The following ST18 variants were observed in gnomAD, a reference collection of about 807,000 sequenced individuals.
ST18 encodes ST18 C2H2C-type zinc finger transcription factor, also known as suppression of tumorigenicity 18 protein.
In ST18, 50 loss-of-function variants were observed where a neutral mutation model predicts 110.0. That is an observed-to-expected ratio of 0.45 (90% CI 0.36 to 0.58). The LOEUF is 0.58. Ranked by LOEUF, ST18 falls within the 20% of genes least tolerant of loss-of-function variation. The pLI, the probability that ST18 is intolerant of heterozygous loss-of-function variation, is 0.00. For missense variants in ST18, 1,306 were observed against 1,280.1 expected (o/e 1.02, Z -0.31); for synonymous variants, 461 against 452.4 (o/e 1.02, Z -0.24).
chr8:52,194,647 C>T (rs1156241967), intron 8 of ST18: 11 of 152,214 alleles, frequency 7.2e-5, no homozygotes, highest in Admixed American at 7.2e-4. Flanking sequence ...GATGATGGGA[C>T]TAACTTCCCT....
At chr8:52,339,229 A>G (rs1289036077) in intron 2 of ST18, among the ~76,000 whole-genome samples, 3 of 152,086 alleles carry the variant, frequency 2.0e-5, no homozygotes, top group African/African-American at 7.2e-5. Flanking sequence ...GAGCCCCAAG[A>G]GGCCATTCTC....
intron 8 of ST18, among the ~76,000 whole-genome samples, chr8:52,211,473 C>T (rs2082153988): frequency 6.6e-6 from 1 of 151,098 alleles, no homozygotes; most frequent in South Asian, 2.1e-4. Flanking sequence ...GTTGTGTGAT[C>T]TCAGCTCACT....
intron 2 of ST18, among the ~76,000 whole-genome samples, chr8:52,395,845 T>C (rs1203861671): frequency 6.6e-6 from 1 of 152,186 alleles, no homozygotes; most frequent in Non-Finnish European, 1.5e-5. Context: ...GGCCAAAACA[T>C]AATTTATCTA....
chr8:52,314,625 T>C (rs993941193), intron 2 of ST18, among the ~76,000 whole-genome samples: 6 of 152,194 alleles, frequency 3.9e-5, no homozygotes. Flanking sequence ...TGGTCCCTTT[T>C]CCAGGGTACT....
At chr8:52,248,772 A>T (rs1223674419) in intron 2 of ST18, among the ~76,000 whole-genome samples, 2 of 152,192 alleles carry the variant, frequency 1.3e-5, no homozygotes, top group Admixed American at 6.6e-5. Flanking sequence ...TAATGATTCT[A>T]TTTCCAGATT....
chr8:52,118,363 G>T lies in ST18; in HGVS notation c.2834C>A (p.Ala945Glu), dbSNP rs117471862. 6,335 of 1,607,706 alleles carry T rather than the reference G, an allele frequency of 3.9e-3. 26 individuals carry two copies. Among genetic ancestry groups the T allele is most frequent in the Non-Finnish European group, 4.5e-3 (5,269 of 1,177,200 alleles). ...ELNESNLKIE[A>E]DMMKLQTQIT... is the part of the protein sequence containing the mutation. The stretch of plus-strand genomic sequence containing the variant: ...CTGGGTCTGAAGTTTCATCATATCT[G>T]CTTCAATTTTAAGGTTGGATTCATT... The change falls in exon 24 of 26, where the codon GCA (alanine) becomes GAA (glutamate). Residue 945 changes from alanine to glutamate, a missense_variant. By Grantham distance (107) the Ala-to-Glu change is moderately radical. Transcript: ENST00000689386.
At chr8:52,174,298 TCA>T (rs2066090497) in intron 9 of ST18, among the ~76,000 whole-genome samples, 1 of 152,230 alleles carries the variant, frequency 6.6e-6, no homozygotes, top group Admixed American at 6.5e-5. Context: ...TTTCTCAATA[TCA>T]CAGTTGGCTA....
At chr8:52,120,243 C>T (rs74452010) in intron 23 of ST18, among the ~76,000 whole-genome samples, 2,500 of 152,282 alleles carry the variant, frequency 0.016, 78 homozygotes, top group African/African-American at 0.057. Flanking sequence ...ATTTGGAGTG[C>T]TATCAGCACT....
chr8:52,309,669 T>C (rs908960652), intron 2 of ST18, among the ~76,000 whole-genome samples: 1 of 151,830 alleles, frequency 6.6e-6, no homozygotes, highest in Admixed American at 6.6e-5. Flanking sequence ...AATAAAGTGA[T>C]GCAAAAATAT....
In ST18 at chr8:52,341,097, C is replaced by A. The variant is rs148037825; in HGVS notation, c.-465+68231G>T. ...CTGCAACCCCCCTAATCAAACTGCA[C>A]CCTGTAGTTCACATGAGAAAATGCA... On this transcript the variant is annotated intron_variant, in intron 2 of 25. Coordinates refer to ENST00000689386, the MANE Select transcript of ST18 (RefSeq NM_001352837.2). Among the ~76,000 whole-genome samples the A allele has an allele frequency of 9.2e-3, 1,398 of 152,276 alleles. 22 individuals are homozygous for A. Among genetic ancestry groups the A allele is most frequent in the African/African-American group, 0.032 (1,323 of 41,550 alleles).
At chr8:52,383,616 T>G (rs1219202490) in intron 2 of ST18, among the ~76,000 whole-genome samples, 1 of 151,520 alleles carries the variant, frequency 6.6e-6, no homozygotes, top group Non-Finnish European at 1.5e-5. Flanking sequence ...GCCTGGCTAA[T>G]TTTTGTATTT....
chr8:52,235,563 A>G (rs1340743230), intron 2 of ST18, among the ~76,000 whole-genome samples: 1 of 152,238 alleles, frequency 6.6e-6, no homozygotes, highest in African/African-American at 2.4e-5. Flanking sequence ...ACAATGGACC[A>G]AATATTTAGA....
chr8:52,235,934 T>C (rs1216273056), intron 2 of ST18, among the ~76,000 whole-genome samples: 2 of 151,866 alleles, frequency 1.3e-5, no homozygotes, highest in Admixed American at 1.3e-4. Context: ...AAGAAAATAC[T>C]AAACTAAACT....
rs2077479381 is a variant in ST18 at position 52,200,174 on chromosome 8, T to G, written c.86+11905A>C. On this transcript the variant is annotated intron_variant, in intron 8 of 25. Coordinates refer to ENST00000689386, the MANE Select transcript of ST18 (RefSeq NM_001352837.2). ...TTAAGAGATTCCTGCTCCACAAAAC[T>G]TATATTCTTATGAAAAAAAGACAGA... is the stretch of plus-strand genomic sequence containing the variant. Among the ~76,000 whole-genome samples the G allele has an allele frequency of 2.2e-5, 3 of 136,736 alleles. No individual in the cohort carries two copies. The South Asian group carries it at 6.3e-4, about 29-fold the overall frequency. 89.7% of individuals were successfully genotyped at this position (136,736 alleles called of 152,430 possible).
In ST18 at chr8:52,374,521, CATTTCATTTT is replaced by C. The variant is rs1831451483; in HGVS notation, c.-465+34797_-465+34806del. 2.6e-5 allele frequency among the ~76,000 whole-genome samples: 4 copies of C among 152,178 alleles called. No homozygotes were observed. In the South Asian group the frequency reaches 6.2e-4, roughly 24 times the overall value. ...TTCTTTATTTTATTTTATTTCATTTCATTTCATTTTATTTTATTTTTTATGTTCCAGGGTA... is the reference window on the plus strand; with the variant it reads ...TTCTTTATTTTATTTTATTTCATTTCATTTTATTTTTTATGTTCCAGGGTA... On this transcript the variant is annotated intron_variant, in intron 2 of 25. Coordinates refer to ENST00000689386, the MANE Select transcript of ST18 (RefSeq NM_001352837.2).
intron 2 of ST18, among the ~76,000 whole-genome samples, chr8:52,362,318 AT>A (rs1426337149): frequency 6.6e-6 from 1 of 152,248 alleles, no homozygotes; most frequent in African/African-American, 2.4e-5. Context: ...TCATTTAGCA[AT>A]TTTGCCAGGA....
At chr8:52,243,667 C>G (rs1035539002) in intron 2 of ST18, among the ~76,000 whole-genome samples, 4 of 152,154 alleles carry the variant, frequency 2.6e-5, no homozygotes, top group Non-Finnish European at 5.9e-5. Context: ...ATGTAAAGAA[C>G]TTGACACCAT....
intron 2 of ST18, among the ~76,000 whole-genome samples, chr8:52,378,444 T>G (rs927760167): frequency 2.6e-5 from 4 of 152,194 alleles, no homozygotes; most frequent in Non-Finnish European, 4.4e-5. Flanking sequence ...AAAAAGGGCA[T>G]CCATTCTTAC....
At chr8:52,205,035 C>T (rs964409973) in intron 8 of ST18, among the ~76,000 whole-genome samples, 4 of 151,778 alleles carry the variant, frequency 2.6e-5, no homozygotes, top group African/African-American at 9.7e-5. Context: ...TTAAAGTAGA[C>T]CTTAGACAAG....
Sources: allele counts gnomAD v4.1 joint callset (sites outside exome capture counted in the v4.1 genomes callset), GRCh38; gene constraint gnomAD v4.1.1; transcripts MANE v1.5; gene names NCBI Gene and HGNC (gene_info 2026-07-23, HGNC 2026-07-21).